AKAP12: variants seen among roughly 807,000 people sequenced by gnomAD.
AKAP12 encodes the protein A-kinase anchor protein 12.
Under a neutral mutation model 79.9 loss-of-function variants are expected in AKAP12, and 32 were observed. That is an observed-to-expected ratio of 0.40 (90% CI 0.30 to 0.54). The LOEUF is 0.54. AKAP12 is among the 20% of genes least tolerant of loss of function. The probability of loss-of-function intolerance (pLI) is 0.48; values close to 1 mark genes in which losing one functional copy is unlikely to be tolerated. For missense variants in AKAP12, 2,074 were observed against 2,177.0 expected (o/e 0.95, Z 0.94); for synonymous variants, 808 against 857.0 (o/e 0.94, Z 1.00).
chr6:151,273,494 C>G (rs1202480922), intron 2 of AKAP12, among the ~76,000 whole-genome samples: 1 of 152,190 alleles, frequency 6.6e-6, no homozygotes, highest in African/African-American at 2.4e-5. Flanking sequence ...TTATTCTTTT[C>G]TATATTTCTC....
intron 2 of AKAP12, among the ~76,000 whole-genome samples, chr6:151,277,338 G>A (rs1269391959): frequency 6.6e-6 from 1 of 152,138 alleles, no homozygotes; most frequent in Non-Finnish European, 1.5e-5. Context: ...TCTTTTGGGG[G>A]AGAGGAGTAC....
chr6:151,308,797 CA>C (rs1188962501), intron 3 of AKAP12, among the ~76,000 whole-genome samples: 1 of 152,148 alleles, frequency 6.6e-6, no homozygotes, highest in East Asian at 1.9e-4. Context: ...AATGTAAATA[CA>C]GACAGAATCT....
chr6:151,315,530 A>G (rs1223921131), intron 3 of AKAP12, among the ~76,000 whole-genome samples: 3 of 152,188 alleles, frequency 2.0e-5, no homozygotes, highest in Non-Finnish European at 4.4e-5. Flanking sequence ...ACAAACATTC[A>G]GACTGTAGTG....
intron 2 of AKAP12, among the ~76,000 whole-genome samples, chr6:151,284,989 A>C (rs1268387095): frequency 1.3e-5 from 2 of 152,222 alleles, no homozygotes; most frequent in African/African-American, 4.8e-5. Context: ...AACAAAGAGA[A>C]TGAAATGCAA....
chr6:151,257,153 C>T (rs1395139620), intron 2 of AKAP12, among the ~76,000 whole-genome samples: 1 of 151,914 alleles, frequency 6.6e-6, no homozygotes, highest in East Asian at 1.9e-4. Context: ...GATCCCATCC[C>T]CCAGGTGCTG....
intron 2 of AKAP12, among the ~76,000 whole-genome samples, chr6:151,274,664 A>G (rs1417656206): frequency 6.6e-6 from 1 of 152,146 alleles, no homozygotes; most frequent in Non-Finnish European, 1.5e-5. Flanking sequence ...TAACACAACC[A>G]TTATCACTTT....
In AKAP12 at chr6:151,352,443, C is replaced by A; in HGVS notation, c.4052C>A (p.Thr1351Asn). ...AGGGAGAAAACAGAAGCAGAGCCAA[C>A]CCATGTGAATGAAGAGAAGCTTGAG... ...VEREKTEAEP[T>N]HVNEEKLEHE... Residue 1351 changes from threonine (T) to asparagine (N), a missense_variant, in exon 4 of 5, where the codon ACC (threonine) becomes AAC (asparagine). Physicochemically the swap from Thr to Asn is moderately conservative, Grantham distance 65 (BLOSUM62 0). Around this residue, in one of 3 missense-constraint regions of AKAP12, gnomAD observed 614 missense variants for 665.6 expected, o/e 0.92. Transcript: ENST00000402676. 6.2e-7 allele frequency: 1 copy of A among 1,614,146 alleles called. No individual in the cohort carries two copies. Among genetic ancestry groups the A allele is most frequent in the Non-Finnish European group, 8.5e-7 (1 of 1,180,032 alleles).
chr6:151,253,227 G>A (rs1797220837), intron 2 of AKAP12, among the ~76,000 whole-genome samples: 1 of 152,036 alleles, frequency 6.6e-6, no homozygotes, highest in Admixed American at 6.6e-5. Flanking sequence ...AGACAAGATT[G>A]TTGATGCATT....
intron 3 of AKAP12, among the ~76,000 whole-genome samples, chr6:151,343,139 G>A (rs1582895422): frequency 6.6e-6 from 1 of 152,068 alleles, no homozygotes; most frequent in Non-Finnish European, 1.5e-5. Context: ...TAAACATGTC[G>A]GCCCTTTCAG....
intron 2 of AKAP12, among the ~76,000 whole-genome samples, chr6:151,279,815 C>T (rs1487689014): frequency 6.6e-6 from 1 of 151,836 alleles, no homozygotes. Flanking sequence ...CCACTGCACT[C>T]CATCCTGGGT....
intron 3 of AKAP12, among the ~76,000 whole-genome samples, chr6:151,328,404 G>A (rs1340163888): frequency 6.7e-6 from 1 of 149,454 alleles, no homozygotes; most frequent in Non-Finnish European, 1.5e-5. Context: ...TTTGGGAGGC[G>A]GAGGCGGGCG....
chr6:151,259,461 T>C (rs1444835447), intron 2 of AKAP12, among the ~76,000 whole-genome samples: 2 of 132,860 alleles, frequency 1.5e-5, no homozygotes, highest in Non-Finnish European at 3.0e-5. Flanking sequence ...TATACACACA[T>C]ATATACATGT....
In AKAP12 at chr6:151,356,891, C is replaced by CT. The variant is rs1778455112; in HGVS notation, c.*1179dup. On this transcript the variant is annotated 3_prime_UTR_variant, in exon 5 of 5. Transcript: ENST00000402676. ...CTGATGTAGTCATTACATGAAACCC[C>CT]TTGTCACTGGTTTGTGTGTTCAGAG... The CT allele has an allele frequency of 6.6e-6, 1 of 152,160 alleles. No individual in the cohort carries two copies. The highest frequency in any genetic ancestry group is 1.5e-5 in the Non-Finnish European group (1 of 68,044). The allele number at this position is 152,160 out of a possible 1,614,324, so 9.4% of individuals were successfully genotyped here.
At chr6:151,320,668 C>G (rs541286216) in intron 3 of AKAP12, among the ~76,000 whole-genome samples, 1 of 152,166 alleles carries the variant, frequency 6.6e-6, no homozygotes, top group Non-Finnish European at 1.5e-5. Context: ...TTGGACTCCT[C>G]CCTCACCTTC....
At chr6:151,299,769 T>G (rs1424402738) in intron 2 of AKAP12, among the ~76,000 whole-genome samples, 1 of 151,896 alleles carries the variant, frequency 6.6e-6, no homozygotes, top group African/African-American at 2.4e-5. Context: ...TTTTTTTTTT[T>G]TGCTATTATG....
intron 2 of AKAP12, among the ~76,000 whole-genome samples, chr6:151,292,893 G>A (rs1776650437): frequency 6.6e-6 from 1 of 152,214 alleles, no homozygotes; most frequent in Non-Finnish European, 1.5e-5. Flanking sequence ...CCATAAGCAA[G>A]TGACAGTTGT....
chr6:151,297,418 CA>C (rs1359625601), intron 2 of AKAP12, among the ~76,000 whole-genome samples: 1 of 151,762 alleles, frequency 6.6e-6, no homozygotes, highest in Admixed American at 6.6e-5. Context: ...ACTAAAAATA[CA>C]AAAATTAGCC....
At chr6:151,304,519 A>AAAAAAAAAC (rs1776934382) in intron 2 of AKAP12, among the ~76,000 whole-genome samples, 1 of 140,548 alleles carries the variant, frequency 7.1e-6, no homozygotes, top group Non-Finnish European at 1.5e-5. Flanking sequence ...AAAAAAAAAA[A>AAAAAAAAAC]GGATTATATG....
intron 2 of AKAP12, among the ~76,000 whole-genome samples, chr6:151,262,251 G>A (rs1001832430): frequency 2.0e-5 from 3 of 152,130 alleles, no homozygotes; most frequent in Non-Finnish European, 4.4e-5. Context: ...CACTGCGCCC[G>A]GCCCAAAACA....
Sources: gnomAD v4.1 joint callset for allele counts (sites outside exome capture counted in the v4.1 genomes callset) on GRCh38, gnomAD v4.1.1 for gene constraint, gnomAD v4.1.1 regional missense constraint, MANE v1.5 for transcripts, NCBI Gene and HGNC (gene_info 2026-07-23, HGNC 2026-07-21) for gene names.